ZNF879: variants seen among roughly 807,000 people sequenced by gnomAD.
ZNF879 encodes the protein zinc finger protein 879.
Under a neutral mutation model 44.3 loss-of-function variants are expected in ZNF879, and 32 were observed. That is an observed-to-expected ratio of 0.72 (90% CI 0.54 to 0.97). The LOEUF (loss-of-function observed/expected upper bound fraction) is 0.97, where lower values mean the gene tolerates loss of function less well. ZNF879 is among the 50% of genes least tolerant of loss of function. The pLI, the probability that ZNF879 is intolerant of heterozygous loss-of-function variation, is 0.00. For missense variants in ZNF879, 621 were observed against 669.7 expected (o/e 0.93, Z 0.80); for synonymous variants, 234 against 233.2 (o/e 1.00, Z -0.03).
Position 179,024,982 on chromosome 5 carries a change from A to G in ZNF879, c.-23A>G, listed in dbSNP as rs1761223701. 2 of 1,551,542 alleles carry G rather than the reference A, an allele frequency of 1.3e-6. No individual in the cohort carries two copies. Among genetic ancestry groups the G allele is most frequent in the Admixed American group, 3.9e-5 (2 of 50,994 alleles). On this transcript the variant is annotated 5_prime_UTR_variant, in exon 2 of 5. Coordinates refer to ENST00000444149, the MANE Select transcript of ZNF879 (RefSeq NM_001136116.3). ...TTCTCCATTCCAGGTGCCTTCTCCA[A>G]GAGAGGCAGCAGGGAGGGAGAAATG...
intron 3 of ZNF879, 85 bp from the exon 4 acceptor site, chr5:179,027,947 T>A: frequency 3.4e-6 from 4 of 1,187,028 alleles, no homozygotes; most frequent in Non-Finnish European, 4.9e-6. Flanking sequence ...CCTCCTTCCC[T>A]GTACTGCCCC....
intron 2 of ZNF879, among the ~76,000 whole-genome samples, chr5:179,026,262 A>G (rs1561733217): frequency 6.6e-6 from 1 of 152,184 alleles, no homozygotes; most frequent in Non-Finnish European, 1.5e-5. Flanking sequence ...TGTACACTGA[A>G]CTACTGGGCA....
At chr5:179,024,853 A>G (rs35568336) in intron 1 of ZNF879, 117 bp from the exon 2 acceptor site, 195,018 of 757,870 alleles carry the variant, frequency 0.26, 26,503 homozygotes, top group African/African-American at 0.4. Context: ...TGGCCTGGGC[A>G]GTTCCAGGCT....
intron 4 of ZNF879, among the ~76,000 whole-genome samples, chr5:179,031,746 G>T (rs1041690694): frequency 2.0e-5 from 3 of 152,218 alleles, no homozygotes; most frequent in Admixed American, 6.5e-5. Context: ...TATTACTTGA[G>T]TAAGTGGATG....
Position 179,032,295 on chromosome 5 carries a change from A to G in ZNF879, c.347A>G (p.Lys116Arg). 1 of 1,547,612 alleles carries G rather than the reference A, an allele frequency of 6.5e-7. No individual in the cohort carries two copies. The highest frequency in any genetic ancestry group is 8.7e-7 in the Non-Finnish European group (1 of 1,146,150). Residue 116 changes from lysine (K) to arginine (R), a missense_variant, in exon 5 of 5, where the codon AAG (lysine) becomes AGG (arginine). Lys to Arg is a conservative substitution (Grantham distance 26, BLOSUM62 2). Transcript: ENST00000444149. ...ATAATTGATGGCACATTTGACTTCA[A>G]GTTGGAGAAGACCTACATAAATGAA... is the stretch of plus-strand genomic sequence containing the variant. The part of the protein sequence containing the change: ...KLIIDGTFDF[K>R]LEKTYINEDK...
Position 179,032,672 on chromosome 5 carries a change from A to T in ZNF879, c.724A>T (p.Ser242Cys). ...ATGTAAGGAATGTAGGAAAGCCTTCAGCCAAAGCTCATCCCTAACTCAGCA... is the reference window on the plus strand; with the variant it reads ...ATGTAAGGAATGTAGGAAAGCCTTCTGCCAAAGCTCATCCCTAACTCAGCA... Reference protein sequence around the residue: ...YKCKECRKAFSQSSSLTQHLR... With the variant: ...YKCKECRKAFCQSSSLTQHLR... Residue 242 changes from serine (S) to cysteine (C), a missense_variant, in exon 5 of 5, where the codon AGC becomes TGC. Coordinates refer to ENST00000444149, the MANE Select transcript of ZNF879 (RefSeq NM_001136116.3). 6.4e-7 allele frequency: 1 copy of T among 1,566,022 alleles called. No homozygotes were observed. The highest frequency in any genetic ancestry group is 8.7e-7 in the Non-Finnish European group (1 of 1,155,402).
chr5:179,025,610 A>G (rs1024473058), intron 2 of ZNF879, among the ~76,000 whole-genome samples: 1 of 152,172 alleles, frequency 6.6e-6, no homozygotes, highest in African/African-American at 2.4e-5. Context: ...GACACGGAGG[A>G]GTTAAATAAT....
intron 1 of ZNF879, 179 bp from the exon 2 acceptor site, chr5:179,024,791 A>G (rs1761213931): frequency 3.5e-6 from 2 of 564,786 alleles, no homozygotes; most frequent in Middle Eastern, 9.5e-4. Flanking sequence ...AGGCCCGGTG[A>G]CTCTGAACCT....
chr5:179,027,197 G>A (rs1230436867), intron 2 of ZNF879, among the ~76,000 whole-genome samples: 2 of 152,192 alleles, frequency 1.3e-5, no homozygotes, highest in Admixed American at 6.5e-5. Flanking sequence ...TTTGGTCTAG[G>A]TGATCGGACG....
Position 179,029,352 on chromosome 5 carries a change from T to C in ZNF879, c.256+1225T>C, listed in dbSNP as rs903087836. Among the ~76,000 whole-genome samples the C allele has an allele frequency of 2.0e-5, 3 of 152,326 alleles. No homozygotes were observed. The South Asian group carries it at 6.2e-4, about 32-fold the overall frequency. ...TTGGCACTTTACTGGCCTCTTTGCT[T>C]TGAAGATTCAGTCCTTCCTTTCATT... On this transcript the variant is annotated intron_variant, in intron 4 of 4. Coordinates refer to ENST00000444149, the MANE Select transcript of ZNF879 (RefSeq NM_001136116.3).
chr5:179,028,207 C>A, intron 4 of ZNF879, 80 bp downstream of exon 4: 1 of 1,250,822 alleles, frequency 8.0e-7, no homozygotes, highest in South Asian at 1.3e-5. Flanking sequence ...GCTCAAGGGT[C>A]TCCTTGATGT....
rs1404675200 is a variant in ZNF879 at position 179,027,479 on chromosome 5, G to A, written c.40G>A (p.Val14Met). 3.7e-6 allele frequency: 6 copies of A among 1,613,924 alleles called. No individual in the cohort carries two copies. The highest frequency in any genetic ancestry group is 2.7e-5 in the African/African-American group (2 of 74,930). Reference protein sequence around the residue: ...RLLPAHVQESVTFRDVAVFFS... With the variant: ...RLLPAHVQESMTFRDVAVFFS... ...AGTGGGTTTGCCATTCCAGGAGTCC[G>A]TGACGTTCAGGGATGTGGCCGTGTT... is the stretch of plus-strand genomic sequence containing the variant. The change falls in exon 3 of 5, where the codon GTG becomes ATG. Residue 14 changes from valine (V) to methionine (M), a missense_variant. Transcript: ENST00000444149.
chr5:179,028,993 C>T (rs889097924), intron 4 of ZNF879, among the ~76,000 whole-genome samples: 1 of 151,826 alleles, frequency 6.6e-6, no homozygotes, highest in Non-Finnish European at 1.5e-5. Flanking sequence ...TCTTGGGTAA[C>T]GGTTTTCAAA....
Position 179,029,098 on chromosome 5 carries a change from C to CTTTTTTTTTTTTTTTT in ZNF879, c.256+972_256+973insTTTTTTTTTTTTTTTT, listed in dbSNP as rs1561735057. On this transcript the variant is annotated intron_variant, in intron 4 of 4. Coordinates refer to ENST00000444149, the MANE Select transcript of ZNF879 (RefSeq NM_001136116.3). ...TGTTTTGGATCTAGAATTCTGGCAT[C>CTTTTTTTTTTTTTTTT]TGTTTTTTTTTTTTTTTTTCCTCTC... is the stretch of plus-strand genomic sequence containing the variant. Among the ~76,000 whole-genome samples, 2 of 142,872 alleles carry CTTTTTTTTTTTTTTTT rather than the reference C, an allele frequency of 1.4e-5. 1 individual carries two copies. 93.7% of individuals were successfully genotyped at this position (142,872 alleles called of 152,430 possible).
rs1367686181 is a variant in ZNF879 at position 179,030,793 on chromosome 5, A to C, written c.257-1412A>C. Among the ~76,000 whole-genome samples the C allele has an allele frequency of 2.6e-5, 4 of 152,216 alleles. No homozygotes were observed. In the East Asian group the frequency reaches 7.7e-4, roughly 29 times the overall value. ...ACAAAAGGAAATACATTTCTTTTGA[A>C]TCAATGATTCCATTTCTTGTACTGT... On this transcript the variant is annotated intron_variant, in intron 4 of 4. Transcript: ENST00000444149.
chr5:179,034,718 CT>C lies in ZNF879; in HGVS notation c.*1079del, dbSNP rs1761538856. 1 of 152,222 alleles carries C rather than the reference CT, an allele frequency of 6.6e-6. No individual in the cohort carries two copies. Among genetic ancestry groups the C allele is most frequent in the African/African-American group, 2.4e-5 (1 of 41,466 alleles). The allele number at this position is 152,222 out of a possible 1,614,324, so 9.4% of individuals were successfully genotyped here. On this transcript the variant is annotated 3_prime_UTR_variant, in exon 5 of 5. Coordinates refer to ENST00000444149, the MANE Select transcript of ZNF879 (RefSeq NM_001136116.3). ...TTACACTCTTCAACAAGTGATTTAG[CT>C]CATTTCAGCATTTCTAAAATGTGAA... is the stretch of plus-strand genomic sequence containing the variant.
rs1269051603 is a variant in ZNF879, at chr5:179,032,366, A to G, written c.418A>G (p.Lys140Glu). ...AGGCAAAAAGAACAGACTTTTCAGTAAAGTGTTAGTTACCATCAAAAAAGT... is the reference window on the plus strand; with the variant it reads ...AGGCAAAAAGAACAGACTTTTCAGTGAAGTGTTAGTTACCATCAAAAAAGT... ...QQGKKNRLFS[K>E]VLVTIKKVYM... The change falls in exon 5 of 5, where the codon AAA (lysine) becomes GAA (glutamate). Residue 140 changes from lysine (K) to glutamate (E), a missense_variant. Transcript: ENST00000444149. 3 of 1,551,178 alleles carry G rather than the reference A, an allele frequency of 1.9e-6. No homozygotes were observed. Among genetic ancestry groups the G allele is most frequent in the Non-Finnish European group, 2.6e-6 (3 of 1,146,926 alleles).
At chr5:179,028,970 G>T (rs991825931) in intron 4 of ZNF879, among the ~76,000 whole-genome samples, 3 of 151,996 alleles carry the variant, frequency 2.0e-5, no homozygotes, top group Non-Finnish European at 4.4e-5. Flanking sequence ...CCTTTGGCTC[G>T]ACTAGAATAT....
chr5:179,028,847 C>T (rs904054044), intron 4 of ZNF879, among the ~76,000 whole-genome samples: 1 of 152,192 alleles, frequency 6.6e-6, no homozygotes, highest in Non-Finnish European at 1.5e-5. Context: ...GAGGAGGCCT[C>T]TGTTGAGCTT....
Sources: allele counts gnomAD v4.1 joint callset (sites outside exome capture counted in the v4.1 genomes callset), GRCh38; gene constraint gnomAD v4.1.1; transcripts MANE v1.5; gene names NCBI Gene and HGNC (gene_info 2026-07-23, HGNC 2026-07-21).